The following CACNA2D1 variants were observed in gnomAD, a reference collection of about 807,000 sequenced individuals.
The protein encoded by CACNA2D1 is voltage-dependent calcium channel subunit alpha-2/delta-1.
CACNA2D1 carries 53 observed loss-of-function variants against 171.5 expected under a neutral mutation model. The ratio of observed to expected loss-of-function variants is 0.31; its 90% confidence interval spans 0.25 to 0.39. The LOEUF is 0.39. CACNA2D1 is among the 10% of genes least tolerant of loss of function. The pLI is 1.00. For synonymous variants in CACNA2D1, 442 were observed against 443.1 expected (o/e 1.00, Z 0.03); for missense variants, 903 against 1,299.8 (o/e 0.69, Z 4.69).
At chr7:82,216,803 A>AT (rs201172025) in intron 3 of CACNA2D1, among the ~76,000 whole-genome samples, 10 of 150,640 alleles carry the variant, frequency 6.6e-5, no homozygotes, top group East Asian at 3.9e-4. Flanking sequence ...ACATCCATAA[A>AT]TTTTTTTTTA....
At chr7:82,003,760 T>G (rs1285626202) in intron 18 of CACNA2D1, among the ~76,000 whole-genome samples, 1 of 151,080 alleles carries the variant, frequency 6.6e-6, no homozygotes, top group African/African-American at 2.4e-5. Flanking sequence ...TTTTTTTTTT[T>G]TGAGATGGAG....
chr7:81,962,293 AC>A (rs1794230034), intron 35 of CACNA2D1, 146 bp downstream of exon 35: 1 of 728,436 alleles, frequency 1.4e-6, no homozygotes, highest in African/African-American at 1.8e-5. Flanking sequence ...GAAAGGTTGG[AC>A]AAAAAGTTTC....
At chr7:82,030,202 C>A (rs1038985268) in intron 12 of CACNA2D1, among the ~76,000 whole-genome samples, 2 of 151,536 alleles carry the variant, frequency 1.3e-5, no homozygotes, top group Non-Finnish European at 3.0e-5. Context: ...TTTTTAGGAT[C>A]CATACATAGA....
At chr7:82,059,687 T>C (rs1294516711) in intron 10 of CACNA2D1, among the ~76,000 whole-genome samples, 1 of 151,800 alleles carries the variant, frequency 6.6e-6, no homozygotes, top group African/African-American at 2.4e-5. Flanking sequence ...GCTCCTGGCA[T>C]AGAATTATAA....
chr7:82,380,116 T>C (rs766802032), intron 1 of CACNA2D1, among the ~76,000 whole-genome samples: 3 of 152,172 alleles, frequency 2.0e-5, no homozygotes, highest in Non-Finnish European at 2.9e-5. Context: ...CAAACTATAA[T>C]TGTCTCCTAT....
intron 7 of CACNA2D1, among the ~76,000 whole-genome samples, chr7:82,082,740 C>T (rs571943522): frequency 6.6e-6 from 1 of 151,328 alleles, no homozygotes; most frequent in Admixed American, 6.6e-5. Context: ...CTGTCTCCTG[C>T]CTCTATCAAG....
At chr7:82,357,758 G>A (rs1031012719) in intron 1 of CACNA2D1, among the ~76,000 whole-genome samples, 1 of 150,802 alleles carries the variant, frequency 6.6e-6, no homozygotes. Context: ...TATACCTAAC[G>A]CTAAATGACC....
intron 6 of CACNA2D1, among the ~76,000 whole-genome samples, chr7:82,112,868 T>C (rs1168045761): frequency 3.9e-5 from 6 of 152,178 alleles, no homozygotes; most frequent in Non-Finnish European, 8.8e-5. Flanking sequence ...CTATATCTTT[T>C]AAGATAACAC....
At chr7:82,146,643 C>A (rs1271178148) in intron 4 of CACNA2D1, among the ~76,000 whole-genome samples, 1 of 150,854 alleles carries the variant, frequency 6.6e-6, no homozygotes, top group Non-Finnish European at 1.5e-5. Context: ...TGAAGTGCTA[C>A]TGAAAGGGCT....
chr7:81,965,574 C>G lies in CACNA2D1; in HGVS notation c.2574+20G>C. The G allele has an allele frequency of 2.2e-6, 3 of 1,333,398 alleles. No individual in the cohort carries two copies. The highest frequency in any genetic ancestry group is 3.2e-6 in the Non-Finnish European group (3 of 924,430). The allele number at this position is 1,333,398 out of a possible 1,614,324, so 82.6% of individuals were successfully genotyped here. Reference sequence around the variant, plus strand: ...AACACACTTTGGAAAGCCTAATTCCCTCTTATTTGAGGTACATACCTGATT... The same window carrying G: ...AACACACTTTGGAAAGCCTAATTCCGTCTTATTTGAGGTACATACCTGATT... On this transcript the variant is annotated intron_variant, in intron 32 of 38. Transcript: ENST00000356860.
intron 18 of CACNA2D1, among the ~76,000 whole-genome samples, chr7:81,997,949 G>A (rs1400509117): frequency 6.6e-6 from 1 of 151,724 alleles, no homozygotes; most frequent in Admixed American, 6.6e-5. Context: ...ATTTCCTATT[G>A]CTTCTTCTTG....
intron 36 of CACNA2D1, 37 bp downstream of exon 36, chr7:81,961,833 ATTATAACAGTATATACAATTTCTT>A: frequency 9.6e-7 from 1 of 1,039,090 alleles, no homozygotes; most frequent in Non-Finnish European, 1.5e-6. Context: ...TTTCTTAATG[ATTATAACAGTATATACAATTTCTT>A]AATGAAATAG....
chr7:82,406,086 G>T (rs900121100), intron 1 of CACNA2D1, among the ~76,000 whole-genome samples: 1 of 151,802 alleles, frequency 6.6e-6, no homozygotes, highest in Non-Finnish European at 1.5e-5. Context: ...TCCCCACCCT[G>T]TGTCCAAGTG....
chr7:82,323,902 T>C (rs1202800377), intron 3 of CACNA2D1, among the ~76,000 whole-genome samples: 1 of 152,196 alleles, frequency 6.6e-6, no homozygotes, highest in Non-Finnish European at 1.5e-5. Context: ...ATTAAATAAT[T>C]AGGTGCCCTC....
intron 3 of CACNA2D1, among the ~76,000 whole-genome samples, chr7:82,266,842 T>G (rs1369764592): frequency 1.3e-5 from 2 of 152,100 alleles, no homozygotes; most frequent in East Asian, 3.9e-4. Context: ...CAAAAATGTG[T>G]TTGACCTTTT....
At chr7:81,977,235 A>C (rs1795945904) in intron 24 of CACNA2D1, among the ~76,000 whole-genome samples, 2 of 152,234 alleles carry the variant, frequency 1.3e-5, no homozygotes, top group South Asian at 4.1e-4. Context: ...ATCAATACCT[A>C]GTTTATTATG....
chr7:82,019,064 G>A (rs751122198), intron 12 of CACNA2D1, among the ~76,000 whole-genome samples: 3 of 151,286 alleles, frequency 2.0e-5, no homozygotes, highest in African/African-American at 7.3e-5. Flanking sequence ...GCTCATGTCT[G>A]TAATTCCAGC....
In CACNA2D1 at chr7:82,060,167, TATATATA is replaced by T. The variant is rs1806502695; in HGVS notation, c.879+254_879+260del. ...ATATATATGTATTATATATATATAA[TATATATA>T]TATAATATATATATATTATATATAT... On this transcript the variant is annotated intron_variant, in intron 10 of 38. Transcript: ENST00000356860. Among the ~76,000 whole-genome samples, 5 of 12,634 alleles carry T rather than the reference TATATATA, an allele frequency of 4.0e-4. 2 individuals carry two copies. In the South Asian group the frequency reaches 0.015, roughly 38 times the overall value. The allele number at this position is 12,634 out of a possible 152,430, so 8.3% of individuals were successfully genotyped here. A position where few individuals can be genotyped will look rare whatever the true frequency, so the allele number is the denominator to read the frequency against.
intron 10 of CACNA2D1, among the ~76,000 whole-genome samples, chr7:82,059,043 AG>A (rs1806285263): frequency 1.3e-5 from 2 of 152,262 alleles, no homozygotes; most frequent in South Asian, 2.1e-4. Context: ...GACTAAACAA[AG>A]TCTCCTGCCT....
Sources: allele counts gnomAD v4.1 joint callset (sites outside exome capture counted in the v4.1 genomes callset), GRCh38; gene constraint gnomAD v4.1.1; transcripts MANE v1.5; gene names NCBI Gene and HGNC (gene_info 2026-07-23, HGNC 2026-07-21).